The following TENM1 variants were observed in gnomAD, a reference collection of about 807,000 sequenced individuals.
TENM1 encodes the protein teneurin transmembrane protein 1.
Under a neutral mutation model 174.8 loss-of-function variants are expected in TENM1, and 35 were observed. The observed-to-expected ratio is 0.20, with a 90% confidence interval of 0.15 to 0.27. The LOEUF (loss-of-function observed/expected upper bound fraction) is 0.27. Ranked by LOEUF, TENM1 falls within the 10% of genes least tolerant of loss-of-function variation. TENM1 has a pLI of 1.00. For synonymous variants in TENM1, 781 were observed against 798.7 expected (o/e 0.98, Z 0.37); for missense variants, 1,633 against 2,130.1 (o/e 0.77, Z 4.59).
At chrX:124,813,740 C>T (rs762356330) in intron 3 of TENM1, among the ~76,000 whole-genome samples, 27 of 110,536 alleles carry the variant, frequency 2.4e-4, no homozygotes, top group African/African-American at 8.2e-4. Flanking sequence ...CTTTAGAAAC[C>T]GGAGGGAGTG....
intron 1 of TENM1, among the ~76,000 whole-genome samples, chrX:124,934,906 T>C (rs776724469): frequency 1.8e-5 from 2 of 110,827 alleles, no homozygotes; most frequent in South Asian, 3.9e-4. Flanking sequence ...TTTAATTGTA[T>C]AGGTATCACT....
intron 30 of TENM1, 107 bp downstream of exon 33, chrX:124,383,527 A>T: frequency 1.3e-6 from 1 of 746,634 alleles, no homozygotes; most frequent in Non-Finnish European, 1.9e-6. Flanking sequence ...TTGCGGGCTA[A>T]CTGTCAGGAA....
chrX:125,148,248 C>T, the TENM1 span, among the ~76,000 whole-genome samples: 31 of 110,270 alleles, frequency 2.8e-4, no homozygotes, highest in Non-Finnish European at 5.1e-4. Flanking sequence ...TCTCTTTTCC[C>T]GCAGCATTCA....
At chrX:124,715,687 C>T (rs1370889401) in intron 4 of TENM1, among the ~76,000 whole-genome samples, 3 of 107,021 alleles carry the variant, frequency 2.8e-5, no homozygotes, top group African/African-American at 1.0e-4. Context: ...ACAGTTTTCA[C>T]TCTTGTTGCC....
At chrX:124,489,336 T>C (rs1322846296) in intron 20 of TENM1, among the ~76,000 whole-genome samples, 2 of 112,891 alleles carry the variant, frequency 1.8e-5, no homozygotes, top group South Asian at 3.6e-4. Flanking sequence ...GAAAGGGTCA[T>C]GTACTCTTCT....
chrX:125,176,481 C>T, the TENM1 span, among the ~76,000 whole-genome samples: 1 of 111,374 alleles, frequency 9.0e-6, no homozygotes, highest in Non-Finnish European at 1.9e-5. Flanking sequence ...ACAGTTTAGG[C>T]TCTCAGGGAC....
At chrX:124,454,412 T>C (rs1021068198) in intron 22 of TENM1, among the ~76,000 whole-genome samples, 5 of 108,939 alleles carry the variant, frequency 4.6e-5, no homozygotes, top group African/African-American at 1.7e-4. Flanking sequence ...GGTGTTTTTT[T>C]TTTTTGTTTT....
At chrX:125,062,764 T>C in the TENM1 span, among the ~76,000 whole-genome samples, 1 of 112,045 alleles carries the variant, frequency 8.9e-6, no homozygotes, top group African/African-American at 3.3e-5. Context: ...GACTTAGCTC[T>C]GATACTAGGG....
chrX:124,453,012 A>C (rs2061061308), intron 23 of TENM1, among the ~76,000 whole-genome samples: 1 of 111,141 alleles, frequency 9.0e-6, no homozygotes. Context: ...AAGTATAATA[A>C]AAAAAATAAT....
At chrX:124,499,347 T>C (rs1158423018) in intron 19 of TENM1, among the ~76,000 whole-genome samples, 1 of 111,461 alleles carries the variant, frequency 9.0e-6, no homozygotes, top group Non-Finnish European at 1.9e-5. Flanking sequence ...CATGGTGGAA[T>C]ATATGGTTGG....
intron 19 of TENM1, among the ~76,000 whole-genome samples, chrX:124,499,650 T>C (rs1287018767): frequency 8.9e-6 from 1 of 111,973 alleles, no homozygotes; most frequent in African/African-American, 3.2e-5. Context: ...GAATTTCTTT[T>C]CTCAAAAAAC....
At chrX:124,847,217 T>C (rs980798734) in intron 3 of TENM1, among the ~76,000 whole-genome samples, 5 of 111,424 alleles carry the variant, frequency 4.5e-5, no homozygotes, top group Admixed American at 3.8e-4. Context: ...CCTGAATATA[T>C]GGGCTATTTT....
the TENM1 span, among the ~76,000 whole-genome samples, chrX:124,995,424 C>A: frequency 3.6e-5 from 4 of 111,349 alleles, no homozygotes; most frequent in African/African-American, 1.3e-4. Context: ...TAAATGAATG[C>A]ATGAATTTCC....
intron 3 of TENM1, among the ~76,000 whole-genome samples, chrX:124,874,474 TTATA>T (rs2057163604): frequency 1.8e-5 from 2 of 110,237 alleles, no homozygotes; most frequent in Admixed American, 1.9e-4. Context: ...TAAGCACTCT[TTATA>T]TAGGAGGAAA....
the TENM1 span, among the ~76,000 whole-genome samples, chrX:125,065,964 C>G: frequency 4.5e-5 from 5 of 111,805 alleles, no homozygotes; most frequent in Admixed American, 1.9e-4. Flanking sequence ...ATTGTAGGCT[C>G]CTCCTCTTTA....
At chrX:124,899,801 G>T (rs1229361160) in intron 1 of TENM1, among the ~76,000 whole-genome samples, 1 of 111,860 alleles carries the variant, frequency 8.9e-6, no homozygotes, top group African/African-American at 3.3e-5. Flanking sequence ...CAAATGAAAA[G>T]ATGCTCAACA....
chrX:124,659,105 G>C (rs1223967239), intron 6 of TENM1, among the ~76,000 whole-genome samples: 1 of 111,843 alleles, frequency 8.9e-6, no homozygotes, highest in African/African-American at 3.2e-5. Flanking sequence ...TACATTTGTA[G>C]ACGTTTCTGT....
intron 3 of TENM1, among the ~76,000 whole-genome samples, chrX:124,804,408 T>A (rs2055537772): frequency 8.9e-6 from 1 of 112,031 alleles, no homozygotes; most frequent in African/African-American, 3.2e-5. Flanking sequence ...AACGGCCCAG[T>A]TCCTGGCTTA....
chrX:124,580,695 AATTTTTT>A (rs1246803828), intron 11 of TENM1, among the ~76,000 whole-genome samples: 1 of 111,138 alleles, frequency 9.0e-6, no homozygotes, highest in East Asian at 2.8e-4. Flanking sequence ...CTGTATTAAT[AATTTTTT>A]ATTTTTTATT....
Sources: allele counts gnomAD v4.1 joint callset (sites outside exome capture counted in the v4.1 genomes callset), GRCh38; gene constraint gnomAD v4.1.1; transcripts MANE v1.5; gene names NCBI Gene and HGNC (gene_info 2026-07-23, HGNC 2026-07-21).